The following PCDHA3 variants were observed in gnomAD, a reference collection of about 807,000 sequenced individuals.
PCDHA3 encodes protocadherin alpha-3.
A neutral mutation model predicts 62.2 loss-of-function variants in PCDHA3; 41 were observed. That is an observed-to-expected ratio of 0.66 (90% confidence interval 0.51 to 0.86). PCDHA3 has a LOEUF of 0.86. Among genes scored for constraint, PCDHA3 ranks in the 40% least tolerant of loss-of-function variants. The pLI, the probability that PCDHA3 is intolerant of heterozygous loss-of-function variation, is 0.00. For synonymous variants in PCDHA3, 640 were observed against 555.4 expected (o/e 1.15, Z -2.14); for missense variants, 1,304 against 1,241.2 (o/e 1.05, Z -0.76).
chr5:140,860,551 GA>G (rs781917307), intron 1 of PCDHA3: 4 of 152,042 alleles, frequency 2.6e-5, no homozygotes, highest in Non-Finnish European at 5.9e-5. Context: ...ACCCACCTTT[GA>G]AGAGGTACTG....
chr5:141,009,011 T>C (rs1461112133), intron 3 of PCDHA3, among the ~76,000 whole-genome samples: 1 of 152,256 alleles, frequency 6.6e-6, no homozygotes, highest in East Asian at 1.9e-4. Context: ...ATATTTTGCC[T>C]TTAGGCTCTG....
chr5:140,802,266 T>C lies in PCDHA3; in HGVS notation c.1069T>C (p.Leu357=). 6.2e-7 allele frequency: 1 copy of C among 1,614,224 alleles called. No homozygotes were observed. The highest frequency in any genetic ancestry group is 8.5e-7 in the Non-Finnish European group (1 of 1,180,036). ...TGAGTTAGTTATTCAATCACTATCTTTACCTGTATTAGAAGACTCTCCACT... is the reference window on the plus strand; with the variant it reads ...TGAGTTAGTTATTCAATCACTATCTCTACCTGTATTAGAAGACTCTCCACT... ...VPELVIQSLS[L]PVLEDSPLST... Residue 357 remains leucine, a synonymous_variant, in exon 1 of 4, where the codon TTA becomes CTA. Transcript: ENST00000522353.
intron 1 of PCDHA3, among the ~76,000 whole-genome samples, chr5:140,826,940 G>A (rs1769124499): frequency 6.6e-6 from 1 of 152,040 alleles, no homozygotes; most frequent in South Asian, 2.1e-4. Context: ...AGGTGGATGT[G>A]GAATAAGGCA....
chr5:140,875,349 C>T lies in PCDHA3; in HGVS notation c.2394+71758C>T, dbSNP rs113418307. The T allele has an allele frequency of 9.7e-4, 1,402 of 1,444,894 alleles. 9 individuals carry two copies. In the African/African-American group the frequency reaches 0.018, roughly 18 times the overall value. 89.5% of individuals were successfully genotyped at this position (1,444,894 alleles called of 1,614,324 possible). A position where few individuals can be genotyped will look rare whatever the true frequency, so the allele number is the denominator to read the frequency against. ...CGGAATAGGATCGACTCCATAATGA[C>T]TGTGATGCTGGAAAAAATTTACTAA... On this transcript the variant is annotated intron_variant, in intron 1 of 3. Coordinates refer to ENST00000522353, the MANE Select transcript of PCDHA3 (RefSeq NM_018906.3).
intron 1 of PCDHA3, among the ~76,000 whole-genome samples, chr5:140,963,886 T>C (rs1211703076): frequency 6.6e-6 from 1 of 152,236 alleles, no homozygotes; most frequent in African/African-American, 2.4e-5. Flanking sequence ...TTGTTTTCCT[T>C]AATTAAAATG....
rs2150260051 is a variant in PCDHA3, at chr5:140,836,413, A to C, written c.2394+32822A>C. On this transcript the variant is annotated intron_variant, in intron 1 of 3. Coordinates refer to ENST00000522353, the MANE Select transcript of PCDHA3 (RefSeq NM_018906.3). ...CTGGTGGAAAGCGGCCAGGCACCAA[A>C]GGCGTCGTCGCGGGCATCGTTGGGC... The C allele has an allele frequency of 1.9e-6, 3 of 1,613,666 alleles. No individual in the cohort carries two copies. In the Admixed American group the frequency reaches 5.0e-5, roughly 27 times the overall value.
At chr5:140,955,506 G>A (rs781377705) in intron 1 of PCDHA3, among the ~76,000 whole-genome samples, 3 of 152,222 alleles carry the variant, frequency 2.0e-5, no homozygotes, top group South Asian at 2.1e-4. Flanking sequence ...GAAGAAAGAC[G>A]TGTTTGCTTT....
Position 141,009,661 on chromosome 5 carries a change from T to G in PCDHA3, c.2577T>G (p.Gly859=), listed in dbSNP as rs1554262260. ...PEAGEVSPPV[G]AGVNSNSWTF... ...CAGGAGAAGTGTCCCCTCCAGTCGG[T>G]GCGGGTGTCAACAGCAACAGCTGGA... The change falls in exon 4 of 4, where the codon GGT becomes GGG. Residue 859 remains glycine (G), a synonymous_variant. Coordinates refer to ENST00000522353, the MANE Select transcript of PCDHA3 (RefSeq NM_018906.3). 1 of 1,614,030 alleles carries G rather than the reference T, an allele frequency of 6.2e-7. No homozygotes were observed.
chr5:140,971,192 A>G (rs1450514781), intron 1 of PCDHA3, among the ~76,000 whole-genome samples: 3 of 152,178 alleles, frequency 2.0e-5, no homozygotes, highest in Non-Finnish European at 4.4e-5. Context: ...GGAAGCTCAG[A>G]GGAAAGACAC....
chr5:140,803,080 CG>C lies in PCDHA3; in HGVS notation c.1886del (p.Gly629GlufsTer23). 6.2e-7 allele frequency: 1 copy of C among 1,613,930 alleles called. No individual in the cohort carries two copies. Among genetic ancestry groups the C allele is most frequent in the Non-Finnish European group, 8.5e-7 (1 of 1,179,948 alleles). On this transcript the variant is annotated frameshift_variant, in exon 1 of 4. Transcript: ENST00000522353. LOFTEE classifies it high-confidence loss of function. ...ATCCCGTTTCGCGTGGGGCTGTACA[CG>C]GGAGAGATCAGCACGACCCGTGCCC... The part of the protein sequence containing the change: ...ARIPFRVGLY[T>X]GEISTTRALD...
intron 2 of PCDHA3, among the ~76,000 whole-genome samples, chr5:140,979,939 T>A (rs2096870929): frequency 6.6e-6 from 1 of 152,210 alleles, no homozygotes; most frequent in African/African-American, 2.4e-5. Context: ...ATGTGTAGAG[T>A]TAATGTGAAA....
chr5:140,808,695 C>G, intron 1 of PCDHA3: 1 of 1,612,160 alleles, frequency 6.2e-7, no homozygotes, highest in Non-Finnish European at 8.5e-7. Flanking sequence ...GGGGAGCGCG[C>G]GCTGTCGAGC....
rs868938085 is a variant in PCDHA3, at chr5:140,882,236, T to C, written c.2394+78645T>C. On this transcript the variant is annotated intron_variant, in intron 1 of 3. Coordinates refer to ENST00000522353, the MANE Select transcript of PCDHA3 (RefSeq NM_018906.3). ...AGTTTGAGGTAAGGCGTTGTATATA[T>C]TGCAGATAGCTCTGAGGTTTTTGGA... 7.6e-6 allele frequency: 12 copies of C among 1,581,516 alleles called. 1 individual carries two copies. The Middle Eastern group carries it at 1.0e-3, about 134-fold the overall frequency.
At chr5:141,002,097 G>A (rs782083569) in intron 3 of PCDHA3, among the ~76,000 whole-genome samples, 3 of 152,230 alleles carry the variant, frequency 2.0e-5, no homozygotes, top group Non-Finnish European at 4.4e-5. Flanking sequence ...TCCAGGGGCT[G>A]GGCCGGAAAC....
intron 1 of PCDHA3, chr5:140,854,175 A>AAAAG (rs386405127): frequency 4.4e-6 from 3 of 674,282 alleles, no homozygotes; most frequent in African/African-American, 2.0e-5. Flanking sequence ...AAAAAAAAAA[A>AAAAG]AGAGTAGTTT....
At position 140,928,406 on chromosome 5, in the gene PCDHA3, G is replaced by T. The variant is rs782285182; in HGVS notation, c.2395-50543G>T. On this transcript the variant is annotated intron_variant, in intron 1 of 3. Coordinates refer to ENST00000522353, the MANE Select transcript of PCDHA3 (RefSeq NM_018906.3). ...TTGCTGGCAGTGGAATCATCCAGTG[G>T]GGCCATCACTGCCAAAACTTCCTTT... 3 of 1,614,050 alleles carry T rather than the reference G, an allele frequency of 1.9e-6. No individual in the cohort carries two copies. The Admixed American group carries it at 5.0e-5, about 27-fold the overall frequency.
rs782421721 is a variant in PCDHA3, at chr5:140,966,807, C to T, written c.2395-12142C>T. Reference sequence around the variant, plus strand: ...ACCAGACCTGCGGCGACAGAGCATCCACGGCTCCGGCGGCCCATGCCCTGG... The same window carrying T: ...ACCAGACCTGCGGCGACAGAGCATCTACGGCTCCGGCGGCCCATGCCCTGG... On this transcript the variant is annotated intron_variant, in intron 1 of 3. Transcript: ENST00000522353. 3 of 1,547,208 alleles carry T rather than the reference C, an allele frequency of 1.9e-6. No homozygotes were observed. The South Asian group carries it at 3.6e-5, about 18-fold the overall frequency.
At chr5:140,815,431 C>T (rs1765724623) in intron 1 of PCDHA3, 1 of 152,032 alleles carries the variant, frequency 6.6e-6, no homozygotes, top group African/African-American at 2.4e-5. Context: ...AAACTGATAG[C>T]ATCTTTACTA....
chr5:140,803,225 C>T lies in PCDHA3; in HGVS notation c.2028C>T (p.Pro676=). Residue 676 remains proline, a synonymous_variant, in exon 1 of 4, where the codon CCC becomes CCT. Coordinates refer to ENST00000522353, the MANE Select transcript of PCDHA3 (RefSeq NM_018906.3). ...CGCTGGTGGAGAGTGGCCAGGCACC[C>T]AAGGCCTCGTCCCAGGCGTCCGCTG... is the stretch of plus-strand genomic sequence containing the variant. ...LVSLVESGQA[P]KASSQASAGA... is the part of the protein sequence containing the mutation. The T allele has an allele frequency of 6.2e-7, 1 of 1,613,852 alleles. No homozygotes were observed. The highest frequency in any genetic ancestry group is 8.5e-7 in the Non-Finnish European group (1 of 1,179,948).
Sources: allele counts gnomAD v4.1 joint callset (sites outside exome capture counted in the v4.1 genomes callset), GRCh38; gene constraint gnomAD v4.1.1; transcripts MANE v1.5; gene names NCBI Gene and HGNC (gene_info 2026-07-23, HGNC 2026-07-21).